MYRIP: variants seen among roughly 807,000 people sequenced by gnomAD.
MYRIP encodes rab effector MyRIP.
Under a neutral mutation model 98.0 loss-of-function variants are expected in MYRIP, and 49 were observed. That is an observed-to-expected ratio of 0.50 (90% CI 0.40 to 0.63). MYRIP has a LOEUF of 0.63. Among genes scored for constraint, MYRIP ranks in the 30% least tolerant of loss-of-function variants. The pLI, the probability that MYRIP is intolerant of heterozygous loss-of-function variation, is 0.00. For missense variants in MYRIP, 1,004 were observed against 1,058.2 expected (o/e 0.95, Z 0.71); for synonymous variants, 404 against 409.5 (o/e 0.99, Z 0.16).
In MYRIP at chr3:40,092,014, A is replaced by G. The variant is rs754159584; in HGVS notation, c.332+47743A>G. ...TTAGAATACATTTCACAAGCTATAA[A>G]TTGCTTGTCAGAAGCTCTGTAAGCC... On this transcript the variant is annotated intron_variant, in intron 3 of 16. Coordinates refer to ENST00000302541, the MANE Select transcript of MYRIP (RefSeq NM_015460.4). 2.0e-4 allele frequency among the ~76,000 whole-genome samples: 31 copies of G among 152,176 alleles called. 1 individual carries two copies. Among genetic ancestry groups the G allele is most frequent in the Non-Finnish European group, 4.4e-5 (3 of 68,022 alleles).
At chr3:39,827,315 G>T (rs1176953470) in intron 1 of MYRIP, among the ~76,000 whole-genome samples, 2 of 152,110 alleles carry the variant, frequency 1.3e-5, no homozygotes, top group East Asian at 3.9e-4. Flanking sequence ...GCCTTACTGT[G>T]TTCACTAGGC....
chr3:39,824,044 T>C (rs1244673811), intron 1 of MYRIP, among the ~76,000 whole-genome samples: 1 of 152,156 alleles, frequency 6.6e-6, no homozygotes, highest in African/African-American at 2.4e-5. Flanking sequence ...AGGCGAGAAG[T>C]GGAGGTATAG....
chr3:40,198,109 T>A (rs1390912001), intron 10 of MYRIP, among the ~76,000 whole-genome samples: 1 of 152,188 alleles, frequency 6.6e-6, no homozygotes, highest in Non-Finnish European at 1.5e-5. Context: ...GCTTTATCAC[T>A]ACACCTCCCA....
chr3:40,086,824 C>T (rs185808170), intron 3 of MYRIP, among the ~76,000 whole-genome samples: 2 of 152,076 alleles, frequency 1.3e-5, no homozygotes, highest in East Asian at 3.9e-4. Context: ...GAACTGGGTT[C>T]AGAGAAGAGG....
intron 3 of MYRIP, among the ~76,000 whole-genome samples, chr3:40,045,624 T>G (rs1461164490): frequency 6.6e-6 from 1 of 152,216 alleles, no homozygotes; most frequent in Non-Finnish European, 1.5e-5. Flanking sequence ...ATTGTGGCAC[T>G]GAGAACAAGA....
At chr3:39,860,590 G>T in intron 1 of MYRIP, among the ~76,000 whole-genome samples, 1 of 152,102 alleles carries the variant, frequency 6.6e-6, no homozygotes, top group East Asian at 1.9e-4. Flanking sequence ...ATCCTTAGAT[G>T]CCCAGCTAGG....
At chr3:39,985,157 C>T (rs1946000971) in intron 2 of MYRIP, among the ~76,000 whole-genome samples, 1 of 151,596 alleles carries the variant, frequency 6.6e-6, no homozygotes, top group Admixed American at 6.6e-5. Flanking sequence ...TTCTTATACA[C>T]CAACAACAGA....
intron 10 of MYRIP, among the ~76,000 whole-genome samples, chr3:40,202,339 T>C (rs1951591523): frequency 6.6e-6 from 1 of 152,146 alleles, no homozygotes; most frequent in African/African-American, 2.4e-5. Context: ...TGAAAAACTT[T>C]TTCTCAGACT....
chr3:39,948,352 A>C (rs2125715605), intron 2 of MYRIP, among the ~76,000 whole-genome samples: 1 of 152,274 alleles, frequency 6.6e-6, no homozygotes, highest in Non-Finnish European at 1.5e-5. Context: ...AATCAATGTA[A>C]GTAAAAGCCA....
At chr3:40,025,876 A>G (rs1252183844) in intron 2 of MYRIP, among the ~76,000 whole-genome samples, 2 of 152,176 alleles carry the variant, frequency 1.3e-5, no homozygotes, top group Non-Finnish European at 2.9e-5. Context: ...CAGAGCAAGA[A>G]CAAAGCAAAG....
At chr3:39,928,266 C>T (rs1278654708) in intron 2 of MYRIP, among the ~76,000 whole-genome samples, 1 of 149,922 alleles carries the variant, frequency 6.7e-6, no homozygotes, top group Non-Finnish European at 1.5e-5. Flanking sequence ...AGAATTAAAA[C>T]CAATTTACAT....
chr3:39,835,484 C>T (rs1388634798), intron 1 of MYRIP, among the ~76,000 whole-genome samples: 2 of 151,968 alleles, frequency 1.3e-5, no homozygotes, highest in East Asian at 3.9e-4. Flanking sequence ...ATTTTATTAA[C>T]TATTTAAAAT....
At chr3:39,875,744 G>A (rs1355976555) in intron 1 of MYRIP, among the ~76,000 whole-genome samples, 3 of 151,198 alleles carry the variant, frequency 2.0e-5, no homozygotes, top group African/African-American at 7.3e-5. Flanking sequence ...ATTTGCTGAG[G>A]AGAGCTTTAC....
At chr3:39,884,762 C>G (rs1020976054) in intron 1 of MYRIP, among the ~76,000 whole-genome samples, 2 of 150,402 alleles carry the variant, frequency 1.3e-5, no homozygotes, top group African/African-American at 4.9e-5. Context: ...CCTTTTTTTC[C>G]TTAACAGCCA....
At chr3:40,154,832 A>G (rs1211630670) in intron 4 of MYRIP, among the ~76,000 whole-genome samples, 1 of 152,188 alleles carries the variant, frequency 6.6e-6, no homozygotes, top group Non-Finnish European at 1.5e-5. Context: ...TAAAAGAAGC[A>G]CTACATGAAA....
At chr3:39,824,770 C>T (rs1312793398) in intron 1 of MYRIP, among the ~76,000 whole-genome samples, 1 of 151,796 alleles carries the variant, frequency 6.6e-6, no homozygotes, top group Non-Finnish European at 1.5e-5. Flanking sequence ...GGATAGAGTG[C>T]AGTGGCATGA....
At chr3:40,228,168 A>G (rs1389459013) in intron 11 of MYRIP, among the ~76,000 whole-genome samples, 1 of 152,208 alleles carries the variant, frequency 6.6e-6, no homozygotes, top group Non-Finnish European at 1.5e-5. Context: ...CCTGAGGGAC[A>G]GGCCTCACCA....
At chr3:39,919,163 C>T (rs1404274258) in intron 2 of MYRIP, among the ~76,000 whole-genome samples, 1 of 152,172 alleles carries the variant, frequency 6.6e-6, no homozygotes, top group East Asian at 1.9e-4. Context: ...GGAGTAGGGG[C>T]TTCACCACTT....
intron 4 of MYRIP, among the ~76,000 whole-genome samples, chr3:40,157,637 G>T (rs1488002423): frequency 1.0e-4 from 15 of 146,570 alleles, no homozygotes; most frequent in Non-Finnish European, 2.3e-4. Flanking sequence ...GACTCTTTTT[G>T]GTTGGTAAGC....
Sources: gnomAD v4.1 joint callset for allele counts (sites outside exome capture counted in the v4.1 genomes callset) on GRCh38, gnomAD v4.1.1 for gene constraint, MANE v1.5 for transcripts, NCBI Gene and HGNC (gene_info 2026-07-23, HGNC 2026-07-21) for gene names.